Variants in SUGCT observed in about 807,000 individuals in gnomAD.
SUGCT encodes succinyl-CoA:glutarate CoA-transferase.
A neutral mutation model predicts 55.0 loss-of-function variants in SUGCT; 41 were observed. The observed-to-expected ratio is 0.74, with a 90% confidence interval of 0.58 to 0.97. The LOEUF is 0.97. Ranked by LOEUF, SUGCT falls within the 50% of genes least tolerant of loss-of-function variation. The pLI is 0.00. For synonymous variants in SUGCT, 187 were observed against 200.4 expected (o/e 0.93, Z 0.56); for missense variants, 568 against 547.8 (o/e 1.04, Z -0.37).
At chr7:40,365,698 A>G (rs1207507323) in intron 9 of SUGCT, among the ~76,000 whole-genome samples, 2 of 151,800 alleles carry the variant, frequency 1.3e-5, no homozygotes, top group Non-Finnish European at 2.9e-5. Flanking sequence ...TAGGAATCCA[A>G]CTTACAAGGG....
At chr7:40,969,964 G>T in the SUGCT span, among the ~76,000 whole-genome samples, 1 of 152,180 alleles carries the variant, frequency 6.6e-6, no homozygotes, top group Non-Finnish European at 1.5e-5. Flanking sequence ...GGTGGCAGGA[G>T]GGGGAGACTG....
rs11971027 is a variant in SUGCT, at chr7:40,612,997, A to G, written c.1089+116611A>G. On this transcript the variant is annotated intron_variant, in intron 12 of 13. Transcript: ENST00000335693. ...AAAATACAAAAATTAGCTGGGCATGATGGGGGATGCCCATAATCCCAGTTA... is the reference window on the plus strand; with the variant it reads ...AAAATACAAAAATTAGCTGGGCATGGTGGGGGATGCCCATAATCCCAGTTA... Among the ~76,000 whole-genome samples, 402 of 152,168 alleles carry G rather than the reference A, an allele frequency of 2.6e-3. 4 individuals are homozygous for G. The highest frequency in any genetic ancestry group is 9.3e-3 in the African/African-American group (387 of 41,516).
At chr7:40,699,688 G>A (rs940662979) in intron 12 of SUGCT, among the ~76,000 whole-genome samples, 1 of 152,042 alleles carries the variant, frequency 6.6e-6, no homozygotes, top group African/African-American at 2.4e-5. Context: ...GGTCAATACG[G>A]TGAAACCTCA....
chr7:40,916,366 C>G, the SUGCT span, among the ~76,000 whole-genome samples: 1 of 152,122 alleles, frequency 6.6e-6, no homozygotes, highest in Non-Finnish European at 1.5e-5. Flanking sequence ...ATGAATGGAG[C>G]AAGTCCAGTT....
At chr7:40,692,736 T>G (rs538621771) in intron 12 of SUGCT, among the ~76,000 whole-genome samples, 1 of 152,254 alleles carries the variant, frequency 6.6e-6, no homozygotes, top group East Asian at 1.9e-4. Context: ...ATTCTAAATT[T>G]CATTTAAAAA....
chr7:40,541,571 C>A (rs144727025), intron 12 of SUGCT, among the ~76,000 whole-genome samples: 168 of 152,232 alleles, frequency 1.1e-3, no homozygotes, highest in African/African-American at 3.7e-3. Context: ...TTGTAAAAAC[C>A]AGCATGGTGC....
chr7:40,183,916 G>A (rs1006826657), intron 3 of SUGCT, among the ~76,000 whole-genome samples: 5 of 152,152 alleles, frequency 3.3e-5, no homozygotes, highest in Non-Finnish European at 5.9e-5. Flanking sequence ...GTTCACGCCT[G>A]TAGTCCCAAC....
chr7:40,617,213 T>C (rs1799044884), intron 12 of SUGCT, among the ~76,000 whole-genome samples: 1 of 152,208 alleles, frequency 6.6e-6, no homozygotes, highest in Admixed American at 6.5e-5. Flanking sequence ...AATGTCTAGC[T>C]GAAAACCTTT....
chr7:40,266,872 G>C (rs4298414), intron 7 of SUGCT, among the ~76,000 whole-genome samples: 1 of 152,054 alleles, frequency 6.6e-6, no homozygotes, highest in African/African-American at 2.4e-5. Context: ...AAAATTAGCC[G>C]GGCATGGTGA....
rs759462983 is a variant in SUGCT at position 40,135,037 on chromosome 7, C to T, written c.17C>T (p.Ala6Val). ...ACGCACGCGATGCTGGCGACGCTGG[C>T]GAGGGTGGCAGCTCTGCGCAGAACC... MLATLARVAALRRTCL... is the reference protein window; with the variant it reads MLATLVRVAALRRTCL... The change falls in exon 1 of 14, where the codon GCG becomes GTG. Residue 6 changes from alanine (A) to valine (V), a missense_variant. Physicochemically the swap from Ala to Val is moderately conservative, Grantham distance 64 (BLOSUM62 0). Coordinates refer to ENST00000335693, the MANE Select transcript of SUGCT (RefSeq NM_001193313.2). 78 of 1,561,882 alleles carry T rather than the reference C, an allele frequency of 5.0e-5. No individual in the cohort carries two copies. Among genetic ancestry groups the T allele is most frequent in the Non-Finnish European group, 6.1e-5 (71 of 1,154,714 alleles).
chr7:40,752,074 T>A (rs1056495459), intron 13 of SUGCT, among the ~76,000 whole-genome samples: 1 of 152,234 alleles, frequency 6.6e-6, no homozygotes, highest in African/African-American at 2.4e-5. Flanking sequence ...CTTAATGGTT[T>A]TCAAACATAA....
the SUGCT span, among the ~76,000 whole-genome samples, chr7:41,003,770 G>C: frequency 6.6e-6 from 1 of 152,122 alleles, no homozygotes; most frequent in Non-Finnish European, 1.5e-5. Flanking sequence ...GACAATCCCA[G>C]GTATCCTTCT....
the SUGCT span, among the ~76,000 whole-genome samples, chr7:40,930,935 C>T: frequency 1.3e-5 from 2 of 152,156 alleles, no homozygotes; most frequent in East Asian, 1.9e-4. Flanking sequence ...CCTGATTACC[C>T]AGGCCAGAAC....
intron 13 of SUGCT, among the ~76,000 whole-genome samples, chr7:40,807,027 G>T (rs1791136558): frequency 6.6e-6 from 1 of 152,148 alleles, no homozygotes; most frequent in Non-Finnish European, 1.5e-5. Flanking sequence ...GTGAGTTCAT[G>T]CATGTAAAGC....
intron 12 of SUGCT, among the ~76,000 whole-genome samples, chr7:40,732,077 C>T (rs1274169092): frequency 6.6e-6 from 1 of 152,198 alleles, no homozygotes; most frequent in Admixed American, 6.5e-5. Flanking sequence ...CTGCTTAAGA[C>T]AACAGGTATT....
At chr7:40,342,206 T>G (rs1030764691) in intron 9 of SUGCT, among the ~76,000 whole-genome samples, 3 of 152,240 alleles carry the variant, frequency 2.0e-5, no homozygotes, top group Non-Finnish European at 2.9e-5. Flanking sequence ...CCTCTCTAAT[T>G]GTCATTAGTG....
intron 12 of SUGCT, among the ~76,000 whole-genome samples, chr7:40,639,347 G>T (rs1218767850): frequency 1.3e-5 from 2 of 152,104 alleles, no homozygotes; most frequent in African/African-American, 4.8e-5. Flanking sequence ...TAACACAGAA[G>T]AAATGCCACA....
intron 9 of SUGCT, among the ~76,000 whole-genome samples, chr7:40,348,268 G>A (rs1258066001): frequency 4.6e-5 from 7 of 152,224 alleles, no homozygotes; most frequent in Admixed American, 3.9e-4. Context: ...TTGCAGTCAG[G>A]TGGTTAGACC....
At chr7:40,824,326 A>G (rs1345767521) in intron 13 of SUGCT, among the ~76,000 whole-genome samples, 1 of 152,196 alleles carries the variant, frequency 6.6e-6, no homozygotes, top group Non-Finnish European at 1.5e-5. Flanking sequence ...TGCCATTTCA[A>G]AGCTGGAAAA....
Sources: allele counts gnomAD v4.1 joint callset (sites outside exome capture counted in the v4.1 genomes callset), GRCh38; gene constraint gnomAD v4.1.1; transcripts MANE v1.5; gene names NCBI Gene and HGNC (gene_info 2026-07-23, HGNC 2026-07-21).